The following RAB33A variants were observed in gnomAD, a reference collection of about 807,000 sequenced individuals.
RAB33A encodes the protein RAB33A, member RAS oncogene family, also known as ras-related protein Rab-33A.
A neutral mutation model predicts 12.0 loss-of-function variants in RAB33A; 6 were observed. That is an observed-to-expected ratio of 0.50 (90% CI 0.27 to 0.99). The LOEUF (loss-of-function observed/expected upper bound fraction) is 0.99, where lower values mean the gene tolerates loss of function less well. Among genes scored for constraint, RAB33A ranks in the 50% least tolerant of loss-of-function variants. The pLI is 0.11. For synonymous variants in RAB33A, 70 were observed against 82.4 expected (o/e 0.85, Z 0.81); for missense variants, 109 against 192.0 (o/e 0.57, Z 2.55).
At chrX:130,132,623 G>A in the RAB33A span, among the ~76,000 whole-genome samples, 1 of 112,170 alleles carries the variant, frequency 8.9e-6, no homozygotes, top group Non-Finnish European at 1.9e-5. Flanking sequence ...GGTTGGTCTC[G>A]AACTTCTGGG....
the RAB33A span, chrX:130,165,706 G>C: frequency 9.5e-7 from 1 of 1,049,605 alleles, no homozygotes; most frequent in African/African-American, 1.8e-5. Flanking sequence ...TCTCACGCAC[G>C]ACCGACGGGT....
At chrX:130,142,022 A>G in the RAB33A span, among the ~76,000 whole-genome samples, 1 of 111,750 alleles carries the variant, frequency 8.9e-6, no homozygotes, top group Non-Finnish European at 1.9e-5. Context: ...GGAGTCAGAG[A>G]GAATAGGGCC....
chrX:130,112,248 G>C, the RAB33A span, among the ~76,000 whole-genome samples: 2 of 112,166 alleles, frequency 1.8e-5, no homozygotes, highest in Admixed American at 9.4e-5. Context: ...TTTTCCAAGC[G>C]GGCATGCTTT....
chrX:130,114,347 GA>G, the RAB33A span, among the ~76,000 whole-genome samples: 1 of 111,575 alleles, frequency 9.0e-6, no homozygotes, highest in South Asian at 3.7e-4. Flanking sequence ...CCCCCTTGAT[GA>G]AAAAGGCTGA....
chrX:130,165,727 G>T, the RAB33A span: 10 of 907,182 alleles, frequency 1.1e-5, no homozygotes, highest in Non-Finnish European at 1.3e-5. Context: ...CAAACACCGT[G>T]AGCCCCGGCC....
chrX:130,137,058 T>C, the RAB33A span: 73 of 1,209,097 alleles, frequency 6.0e-5, no homozygotes, highest in African/African-American at 1.2e-3. Flanking sequence ...AGTGGCAGCA[T>C]ATAGAAACAG....
chrX:130,113,713 C>T, the RAB33A span, among the ~76,000 whole-genome samples: 26 of 111,428 alleles, frequency 2.3e-4, no homozygotes, highest in South Asian at 3.7e-4. Context: ...TGTGAGCCAC[C>T]GCGCCTGGCC....
chrX:130,113,359 G>T, the RAB33A span, among the ~76,000 whole-genome samples: 1 of 109,709 alleles, frequency 9.1e-6, no homozygotes, highest in Non-Finnish European at 1.9e-5. Flanking sequence ...GGGATTACAG[G>T]CGTGAGCCAC....
rs905427465 is a variant in RAB33A at position 130,174,555 on chromosome X, T to C, written c.258+2235T>C. 5.3e-5 allele frequency among the ~76,000 whole-genome samples: 6 copies of C among 112,493 alleles called. 1 individual carries two copies. Among genetic ancestry groups the C allele is most frequent in the African/African-American group, 1.9e-4 (6 of 30,947 alleles). On this transcript the variant is annotated intron_variant, in intron 1 of 1. Coordinates refer to ENST00000257017, the MANE Select transcript of RAB33A (RefSeq NM_004794.3). ...AGCCTGAAGTTGTTCAAGGAATACA[T>C]GCCAAAGCCATGCTTGGAGATGACT...
At chrX:130,178,836 T>G (rs1269068538) in intron 1 of RAB33A, among the ~76,000 whole-genome samples, 4 of 108,465 alleles carry the variant, frequency 3.7e-5, no homozygotes, top group African/African-American at 1.3e-4. Flanking sequence ...TATTTTTTAG[T>G]AGAGACAGGG....
the RAB33A span, among the ~76,000 whole-genome samples, chrX:130,149,008 G>A: frequency 1.8e-4 from 17 of 92,708 alleles, no homozygotes; most frequent in Non-Finnish European, 3.5e-4. Flanking sequence ...TGCAACCTCC[G>A]CCACTTCAGT....
At chrX:130,155,410 G>GA in the RAB33A span, 1 of 793,714 alleles carries the variant, frequency 1.3e-6, no homozygotes, top group South Asian at 2.3e-5. Flanking sequence ...AAAGGAAAAA[G>GA]AAAAAAATGC....
chrX:130,141,719 C>T, the RAB33A span, among the ~76,000 whole-genome samples: 2 of 111,886 alleles, frequency 1.8e-5, no homozygotes, highest in Non-Finnish European at 3.8e-5. Context: ...CTCCTGGCTA[C>T]TCCTCCTGAT....
the RAB33A span, chrX:130,137,485 T>G: frequency 3.4e-6 from 4 of 1,167,832 alleles, no homozygotes; most frequent in Non-Finnish European, 4.6e-6. Flanking sequence ...AACCTCTGAA[T>G]AGGAAGCATC....
the RAB33A span, chrX:130,156,741 C>A: frequency 2.9e-6 from 2 of 685,494 alleles, no homozygotes; most frequent in Non-Finnish European, 4.5e-6. Context: ...AAAATATCAT[C>A]AAAACTGCAT....
At chrX:130,171,895 A>ACGCG, upstream of RAB33A, 3 of 526,625 alleles carry the variant, frequency 5.7e-6, no homozygotes, top group Non-Finnish European at 8.8e-6. Flanking sequence ...CACCCCCTTC[A>ACGCG]CGCGCGCGCG....
chrX:130,129,760 C>A, the RAB33A span: 7 of 761,904 alleles, frequency 9.2e-6, no homozygotes, highest in Non-Finnish European at 1.4e-5. Context: ...TCTCTACTAA[C>A]CCCAAACAAG....
chrX:130,152,620 A>G, the RAB33A span, among the ~76,000 whole-genome samples: 262 of 112,052 alleles, frequency 2.3e-3, 2 homozygotes, highest in South Asian at 0.011. Context: ...CCCAAATACT[A>G]AATCTCATTA....
At chrX:130,133,632 T>TC in the RAB33A span, among the ~76,000 whole-genome samples, 1 of 37,237 alleles carries the variant, frequency 2.7e-5, no homozygotes, top group Non-Finnish European at 4.6e-5. Flanking sequence ...CCATTTAAAT[T>TC]TTTTTTTTTT....
Sources: gnomAD v4.1 joint callset for allele counts (sites outside exome capture counted in the v4.1 genomes callset) on GRCh38, gnomAD v4.1.1 for gene constraint, MANE v1.5 for transcripts, NCBI Gene and HGNC (gene_info 2026-07-23, HGNC 2026-07-21) for gene names.